Variants in CROCC observed in about 807,000 individuals in gnomAD.
CROCC encodes the protein rootletin.
CROCC carries 180 observed loss-of-function variants against 245.2 expected under a neutral mutation model. The observed-to-expected ratio is 0.73, with a 90% CI of 0.65 to 0.83. The LOEUF is 0.83. Among genes scored for constraint, CROCC ranks in the 40% least tolerant of loss-of-function variants. The probability of loss-of-function intolerance (pLI) is 0.00; values close to 1 mark genes in which losing one functional copy is unlikely to be tolerated. For synonymous variants in CROCC, 1,205 were observed against 1,241.6 expected, an observed-to-expected ratio of 0.97 and a Z score of 0.62; for missense variants, 2,688 against 2,779.4, an observed-to-expected ratio of 0.97 and a Z score of 0.74.
chr1:16,956,502 A>C (rs2076252422), intron 25 of CROCC, among the ~76,000 whole-genome samples: 1 of 152,160 alleles, frequency 6.6e-6, no homozygotes, highest in Admixed American at 6.5e-5. Flanking sequence ...TAAAGAGCCC[A>C]AATGGTCAAT....
At chr1:16,946,709 G>C (rs1462212104) in intron 16 of CROCC, 52 bp from the exon 17 acceptor site, 1 of 1,519,608 alleles carries the variant, frequency 6.6e-7, no homozygotes, top group African/African-American at 1.4e-5. Context: ...AGGCGTCCTG[G>C]TCCTGGGAGG....
Position 16,925,063 on chromosome 1 carries a change from G to A in CROCC, c.351+584G>A, listed in dbSNP as rs569280252. On this transcript the variant is annotated intron_variant, in intron 3 of 36. Coordinates refer to ENST00000375541, the MANE Select transcript of CROCC (RefSeq NM_014675.5). ...GGCTTGTGGGGGTCCCAGGGTGTGG[G>A]GCGGGAGCTGGGTGTGAGCCGGTGC... 3.9e-5 allele frequency among the ~76,000 whole-genome samples: 6 copies of A among 152,400 alleles called. No homozygotes were observed. The East Asian group carries it at 7.7e-4, about 20-fold the overall frequency.
chr1:16,958,452 G>A (rs1404236523), intron 25 of CROCC, 131 bp from the exon 26 acceptor site: 7 of 1,123,086 alleles, frequency 6.2e-6, no homozygotes, highest in South Asian at 3.0e-5. Flanking sequence ...TGTAGGGGCC[G>A]GCTCCCAGTG....
rs113054279 is a variant in CROCC at position 16,963,858 on chromosome 1, C to T, written c.4406-1865C>T. Among the ~76,000 whole-genome samples the T allele has an allele frequency of 3.6e-3, 541 of 152,006 alleles. 2 individuals are homozygous for T. The highest frequency in any genetic ancestry group is 0.012 in the African/African-American group (501 of 41,434). The stretch of plus-strand genomic sequence containing the variant: ...TTGCCTATGCTGGAGTGCAATGGCG[C>T]GATCTCGACTCACTGCAACCTCCGC... On this transcript the variant is annotated intron_variant, in intron 27 of 36. Transcript: ENST00000375541.
rs557864238 is a variant in CROCC, at chr1:16,968,431, C to G, written c.5076+13C>G. The G allele has an allele frequency of 3.4e-6, 5 of 1,466,830 alleles. No homozygotes were observed. The African/African-American group carries it at 7.1e-5, about 21-fold the overall frequency. 90.9% of individuals were successfully genotyped at this position (1,466,830 alleles called of 1,614,324 possible). A position where few individuals can be genotyped will look rare whatever the true frequency, so the allele number is the denominator to read the frequency against. On this transcript the variant is annotated intron_variant, in intron 31 of 36. Transcript: ENST00000375541. ...CCTGCAGAGACAGGTGGGCCCCTCCCCAAATCACAGCCACAGTGTTCACAT... is the reference window on the plus strand; with the variant it reads ...CCTGCAGAGACAGGTGGGCCCCTCCGCAAATCACAGCCACAGTGTTCACAT...
rs369499292 is a variant in CROCC at position 16,922,744 on chromosome 1, C to T, written c.142C>T (p.Pro48Ser). 1.2e-6 allele frequency: 2 copies of T among 1,613,830 alleles called. No individual in the cohort carries two copies. The highest frequency in any genetic ancestry group is 1.3e-5 in the African/African-American group (1 of 74,962). The change falls in exon 2 of 37, where the codon CCT becomes TCT. Residue 48 changes from proline to serine, a missense_variant. This residue lies in a region of CROCC where 972 missense variants were observed against 895.3 expected (regional missense o/e 1.09). Transcript: ENST00000375541. ...LAQDAQITSL[P>S]ALIREIVTRN... The stretch of plus-strand genomic sequence containing the variant: ...CCAGGACGCTCAGATCACCAGCCTG[C>T]CTGCCCTTATCAGGGAGATTGTCAC...
chr1:16,942,317 A>G (rs1189370168), intron 13 of CROCC, among the ~76,000 whole-genome samples: 1 of 152,274 alleles, frequency 6.6e-6, no homozygotes, highest in African/African-American at 2.4e-5. Flanking sequence ...TTTTTAAGAC[A>G]AGAAATTATC....
At position 16,946,777 on chromosome 1, in the gene CROCC, C is replaced by T. The variant is rs1347450797; in HGVS notation, c.2300C>T (p.Ser767Phe). 1.1e-5 allele frequency: 17 copies of T among 1,551,612 alleles called. No homozygotes were observed. The highest frequency in any genetic ancestry group is 2.4e-5 in the East Asian group (1 of 40,958). ...RLVAQLEEEK[S>F]ALQGRQRQAE... ...GGCCTCCAGCTGGAGGAAGAAAAGTCCGCCCTGCAGGGCCGGCAACGGCAG... is the reference window on the plus strand; with the variant it reads ...GGCCTCCAGCTGGAGGAAGAAAAGTTCGCCCTGCAGGGCCGGCAACGGCAG... Residue 767 changes from serine to phenylalanine, a missense_variant, in exon 17 of 37, where the codon TCC becomes TTC. This residue lies in a region of CROCC where 295 missense variants were observed against 241.7 expected (regional missense o/e 1.22). Transcript: ENST00000375541.
At chr1:16,971,362 C>A (rs2076515692) in intron 35 of CROCC, 103 bp from the exon 36 acceptor site, 3 of 1,423,834 alleles carry the variant, frequency 2.1e-6, no homozygotes, top group Admixed American at 2.5e-5. Context: ...CTGCCTTCCC[C>A]CTCTGCACTG....
At chr1:16,937,196 T>C (rs1258989889) in intron 9 of CROCC, among the ~76,000 whole-genome samples, 1 of 152,184 alleles carries the variant, frequency 6.6e-6, no homozygotes, top group Non-Finnish European at 1.5e-5. Context: ...CTACTAAAAA[T>C]ACAAAAATTA....
Position 16,938,409 on chromosome 1 carries a change from C to T in CROCC, c.1300C>T (p.Arg434Trp), listed in dbSNP as rs772021909. The T allele has an allele frequency of 5.7e-6, 9 of 1,566,720 alleles. No homozygotes were observed. Among genetic ancestry groups the T allele is most frequent in the South Asian group, 3.5e-5 (3 of 84,954 alleles). Residue 434 changes from arginine (R) to tryptophan (W), a missense_variant, in exon 11 of 37, where the codon CGG becomes TGG. By Grantham distance (101) the Arg-to-Trp change is moderately radical. Around this residue, in one of 9 missense-constraint regions of CROCC, gnomAD observed 972 missense variants for 895.3 expected, o/e 1.09. Transcript: ENST00000375541. ...TEKLEALESL[R>W]LQEQAALETE... ...CCTAACCGCACTCCAGGAATCCCTG[C>T]GGCTACAGGAGCAGGCGGCCCTGGA...
rs541968371 is a variant in CROCC at position 16,966,896 on chromosome 1, T to C, written c.4860+325T>C. Among the ~76,000 whole-genome samples, 2 of 151,896 alleles carry C rather than the reference T, an allele frequency of 1.3e-5. No homozygotes were observed. Among genetic ancestry groups the C allele is most frequent in the African/African-American group, 4.8e-5 (2 of 41,352 alleles). ...GCAACATGGTGAAACCCCGTCTCTA[T>C]GAAAAATACTTAGCTGGGCATGGTG... On this transcript the variant is annotated intron_variant, in intron 30 of 36. Coordinates refer to ENST00000375541, the MANE Select transcript of CROCC (RefSeq NM_014675.5). This position sits in a 1 kb window ranked among gnomAD's most constrained non-coding sequence, Gnocchi z 4.8.
Position 16,946,783 on chromosome 1 carries a change from T to G in CROCC, c.2306T>G (p.Leu769Arg), listed in dbSNP as rs1570658812. The change falls in exon 17 of 37, where the codon CTG becomes CGG. Residue 769 changes from leucine to arginine, a missense_variant. Transcript: ENST00000375541. ...CAGCTGGAGGAAGAAAAGTCCGCCC[T>G]GCAGGGCCGGCAACGGCAGGCAGAG... ...VAQLEEEKSA[L>R]QGRQRQAEQE... 6.4e-7 allele frequency: 1 copy of G among 1,551,834 alleles called. No individual in the cohort carries two copies. The highest frequency in any genetic ancestry group is 8.7e-7 in the Non-Finnish European group (1 of 1,147,164).
At chr1:16,947,821 T>A (rs1252190197) in intron 17 of CROCC, among the ~76,000 whole-genome samples, 3 of 152,226 alleles carry the variant, frequency 2.0e-5, no homozygotes, top group South Asian at 4.1e-4. Flanking sequence ...TTTTTTTTGT[T>A]TCATTTTGTT....
In CROCC at chr1:16,946,908, G is replaced by T. The variant is rs2076061356; in HGVS notation, c.2431G>T (p.Ala811Ser). The change falls in exon 17 of 37, where the codon GCG becomes TCG. Residue 811 changes from alanine to serine, a missense_variant. Ala to Ser is a moderately conservative substitution (Grantham distance 99). Transcript: ENST00000375541. The stretch of plus-strand genomic sequence containing the variant: ...GGGCCTGGAGGGCTCCCTACGAGTG[G>T]CGGAGCAGGCCCAGGAGGCATTGGA... Reference protein sequence around the residue: ...RQGLEGSLRVAEQAQEALEQQ... With the variant: ...RQGLEGSLRVSEQAQEALEQQ... 2 of 1,564,228 alleles carry T rather than the reference G, an allele frequency of 1.3e-6. No homozygotes were observed. The highest frequency in any genetic ancestry group is 1.4e-5 in the African/African-American group (1 of 73,894).
At chr1:16,935,624 C>T (rs1461596914) in intron 8 of CROCC, among the ~76,000 whole-genome samples, 1 of 152,278 alleles carries the variant, frequency 6.6e-6, no homozygotes, top group African/African-American at 2.4e-5. Flanking sequence ...CGGGGTTTCA[C>T]CGTGATAGCC....
chr1:16,938,743 G>A (rs1393991345), intron 11 of CROCC, among the ~76,000 whole-genome samples, 166 bp from the exon 12 acceptor site: 2 of 152,292 alleles, frequency 1.3e-5, no homozygotes, highest in African/African-American at 2.4e-5. Context: ...GGCCTCAGCG[G>A]CGAGCCGAGG....
chr1:16,957,997 C>T (rs1195015644), intron 25 of CROCC, among the ~76,000 whole-genome samples: 1 of 115,034 alleles, frequency 8.7e-6, no homozygotes, highest in African/African-American at 2.8e-5. Context: ...AGGCAGTACC[C>T]CTCCCTGCTC....
chr1:16,970,066 G>A, intron 33 of CROCC, 132 bp downstream of exon 33: 1 of 1,284,096 alleles, frequency 7.8e-7, no homozygotes, highest in Non-Finnish European at 1.0e-6. Flanking sequence ...GGTTCATTCA[G>A]AGCATAGTCC....
Sources: gnomAD v4.1 joint callset for allele counts (sites outside exome capture counted in the v4.1 genomes callset) on GRCh38, gnomAD v4.1.1 for gene constraint, gnomAD v4.1.1 regional missense constraint, Gnocchi (gnomAD v3.1) non-coding constraint, MANE v1.5 for transcripts, NCBI Gene and HGNC (gene_info 2026-07-23, HGNC 2026-07-21) for gene names.